The following ARIH1 variants were observed in gnomAD, a reference collection of about 807,000 sequenced individuals.
The protein encoded by ARIH1 is ariadne RBR E3 ubiquitin protein ligase 1.
ARIH1 carries 8 observed loss-of-function variants against 85.0 expected under a neutral mutation model. That is an observed-to-expected ratio of 0.09 (90% confidence interval 0.06 to 0.17). The LOEUF (loss-of-function observed/expected upper bound fraction) is 0.17. ARIH1 is among the 10% of genes least tolerant of loss of function. The probability of loss-of-function intolerance (pLI) is 1.00; values close to 1 mark genes in which losing one functional copy is unlikely to be tolerated. For missense variants in ARIH1, 311 were observed against 718.1 expected, an observed-to-expected ratio of 0.43 and a Z score of 6.48; for synonymous variants, 238 against 253.6, an observed-to-expected ratio of 0.94 and a Z score of 0.59.
At chr15:72,475,265 C>A in intron 1 of ARIH1, 1 of 741,364 alleles carries the variant, frequency 1.3e-6, no homozygotes, top group Non-Finnish European at 1.9e-6. Flanking sequence ...CCTTCGGTCG[C>A]CTAAGCCTTC....
At chr15:72,514,647 C>T (rs973597499) in intron 1 of ARIH1, among the ~76,000 whole-genome samples, 1 of 151,588 alleles carries the variant, frequency 6.6e-6, no homozygotes, top group Non-Finnish European at 1.5e-5. Context: ...GAGGCTGCAG[C>T]AAGCTGAGAT....
Position 72,602,477 on chromosome 15 carries a change from G to A in ARIH1, c.*19185G>A, listed in dbSNP as rs1053022965. ...TTTGCTTACTTATTATCTAATGTCTGACTAATTTGCTACACTCTAAATTCC... is the reference window on the plus strand; with the variant it reads ...TTTGCTTACTTATTATCTAATGTCTAACTAATTTGCTACACTCTAAATTCC... On this transcript the variant is annotated 3_prime_UTR_variant, in exon 14 of 14. Coordinates refer to ENST00000379887, the MANE Select transcript of ARIH1 (RefSeq NM_005744.5). 1.3e-5 allele frequency: 2 copies of A among 152,168 alleles called. No homozygotes were observed. Among genetic ancestry groups the A allele is most frequent in the African/African-American group, 4.8e-5 (2 of 41,420 alleles). 9.4% of individuals were successfully genotyped at this position (152,168 alleles called of 1,614,324 possible).
chr15:72,479,122 CA>C (rs1313181707), intron 1 of ARIH1, among the ~76,000 whole-genome samples: 4 of 152,044 alleles, frequency 2.6e-5, no homozygotes, highest in African/African-American at 9.7e-5. Context: ...CCTGGAAATC[CA>C]AAACTTTTTG....
rs2064316476 is a variant in ARIH1, at chr15:72,586,306, G to A, written c.*3014G>A. On this transcript the variant is annotated 3_prime_UTR_variant, in exon 14 of 14. Coordinates refer to ENST00000379887, the MANE Select transcript of ARIH1 (RefSeq NM_005744.5). ...CTGAAATTTAGTAGAAGAGGGAAAAGGAGTTAATGTAACAAATTATTTTAG... is the reference window on the plus strand; with the variant it reads ...CTGAAATTTAGTAGAAGAGGGAAAAAGAGTTAATGTAACAAATTATTTTAG... 3 of 152,164 alleles carry A rather than the reference G, an allele frequency of 2.0e-5. No individual in the cohort carries two copies. The highest frequency in any genetic ancestry group is 7.2e-5 in the African/African-American group (3 of 41,428). The allele number at this position is 152,164 out of a possible 1,614,324, so 9.4% of individuals were successfully genotyped here.
intron 2 of ARIH1, among the ~76,000 whole-genome samples, chr15:72,536,976 G>A (rs976008409): frequency 6.6e-6 from 1 of 151,834 alleles, no homozygotes; most frequent in Non-Finnish European, 1.5e-5. Flanking sequence ...AAATATATGA[G>A]CAGTATGTAT....
rs753700674 is a variant in ARIH1, at chr15:72,474,870, C to A, written c.231C>A (p.Gly77=). ...GGGGGSALGP[G]GGGGGGGGGG... is the part of the protein sequence containing the mutation. The stretch of plus-strand genomic sequence containing the variant: ...GCGGCGGCAGCGCTCTGGGGCCCGG[C>A]GGTGGCGGCGGCGGCGGCGGCGGCG... The change falls in exon 1 of 14, where the codon GGC becomes GGA. Residue 77 remains glycine, a synonymous_variant. Transcript: ENST00000379887. The A allele has an allele frequency of 2.1e-6, 3 of 1,413,420 alleles. No homozygotes were observed. In the East Asian group the frequency reaches 9.1e-5, roughly 43 times the overall value. 87.6% of individuals were successfully genotyped at this position (1,413,420 alleles called of 1,614,324 possible).
At chr15:72,476,311 T>C (rs2063794848) in intron 1 of ARIH1, among the ~76,000 whole-genome samples, 1 of 152,220 alleles carries the variant, frequency 6.6e-6, no homozygotes, top group Admixed American at 6.5e-5. Flanking sequence ...AGTGGAAGTC[T>C]TCATTTTTAA....
At chr15:72,561,429 T>C in intron 5 of ARIH1, 54 bp from the exon 6 acceptor site, 6 of 1,303,412 alleles carry the variant, frequency 4.6e-6, no homozygotes, top group Non-Finnish European at 6.6e-6. Flanking sequence ...TTTATAAATG[T>C]GGAAAATACT....
chr15:72,516,137 T>C (rs1187956726), intron 1 of ARIH1, among the ~76,000 whole-genome samples: 1 of 152,186 alleles, frequency 6.6e-6, no homozygotes. Context: ...CAACATCAAG[T>C]TATACTCCCT....
chr15:72,592,092 C>T lies in ARIH1; in HGVS notation c.*8800C>T, dbSNP rs1407441365. 1 of 152,168 alleles carries T rather than the reference C, an allele frequency of 6.6e-6. No individual in the cohort carries two copies. The highest frequency in any genetic ancestry group is 1.5e-5 in the Non-Finnish European group (1 of 68,034). 9.4% of individuals were successfully genotyped at this position (152,168 alleles called of 1,614,324 possible). Reference sequence around the variant, plus strand: ...GCCTTTGAATAATTAATTTTTACTCCATTTTTACTCGCTTGCAATAAAGTA... The same window carrying T: ...GCCTTTGAATAATTAATTTTTACTCTATTTTTACTCGCTTGCAATAAAGTA... On this transcript the variant is annotated 3_prime_UTR_variant, in exon 14 of 14. Coordinates refer to ENST00000379887, the MANE Select transcript of ARIH1 (RefSeq NM_005744.5).
At chr15:72,557,997 A>G (rs1426277954) in intron 5 of ARIH1, among the ~76,000 whole-genome samples, 1 of 152,180 alleles carries the variant, frequency 6.6e-6, no homozygotes, top group Non-Finnish European at 1.5e-5. Flanking sequence ...GAAGATTGAT[A>G]GTTTGACTTC....
rs545887711 is a variant in ARIH1 at position 72,499,318 on chromosome 15, TTG to T, written c.376-18747_376-18746del. On this transcript the variant is annotated intron_variant, in intron 1 of 13. Coordinates refer to ENST00000379887, the MANE Select transcript of ARIH1 (RefSeq NM_005744.5). ...TGTAGCTCTTTCTCCAGTTTGTTAT[TTG>T]TAAGAAAAAAAAAAAGCAATACATG... 1.7e-3 allele frequency among the ~76,000 whole-genome samples: 260 copies of T among 151,934 alleles called. 1 individual carries two copies. The highest frequency in any genetic ancestry group is 6.1e-3 in the African/African-American group (252 of 41,286).
chr15:72,538,058 T>G (rs752798705), intron 2 of ARIH1, among the ~76,000 whole-genome samples: 11 of 152,180 alleles, frequency 7.2e-5, no homozygotes, highest in Non-Finnish European at 1.3e-4. Flanking sequence ...GATTGAGCTC[T>G]GATAGTTTAA....
intron 11 of ARIH1, among the ~76,000 whole-genome samples, chr15:72,580,358 T>C (rs1427997829): frequency 6.6e-6 from 1 of 152,208 alleles, no homozygotes; most frequent in African/African-American, 2.4e-5. Flanking sequence ...GGATTCCATG[T>C]CTTGGCTATT....
At position 72,582,059 on chromosome 15, in the gene ARIH1, T is replaced by C. The variant is rs755850436; in HGVS notation, c.1477-16T>C. 1.9e-6 allele frequency: 3 copies of C among 1,571,702 alleles called. No homozygotes were observed. The South Asian group carries it at 3.5e-5, about 18-fold the overall frequency. On this transcript the variant is annotated splice_polypyrimidine_tract_variant and intron_variant, in intron 12 of 13. Transcript: ENST00000379887. The surrounding 1 kb of genome is among the most constrained non-coding windows in gnomAD (Gnocchi z 4.6). ...CTTTATTTTGAAGCCAAAATTTACTTTCATTCTTCTTACAGAATAACCAAG... is the reference window on the plus strand; with the variant it reads ...CTTTATTTTGAAGCCAAAATTTACTCTCATTCTTCTTACAGAATAACCAAG...
Position 72,587,205 on chromosome 15 carries a change from C to T in ARIH1, c.*3913C>T. ...AAATAACTCCCTCAATTTTTCATTT[C>T]CTTCTACCTGAAACTTAACATCATG... On this transcript the variant is annotated 3_prime_UTR_variant, in exon 14 of 14. Transcript: ENST00000379887. The T allele has an allele frequency of 3.9e-6, 2 of 519,046 alleles. No individual in the cohort carries two copies. Among genetic ancestry groups the T allele is most frequent in the South Asian group, 2.9e-5 (2 of 69,624 alleles). 32.2% of individuals were successfully genotyped at this position (519,046 alleles called of 1,614,324 possible). A position where few individuals can be genotyped will look rare whatever the true frequency, so the allele number is the denominator to read the frequency against.
chr15:72,547,091 C>T (rs1241186151), intron 3 of ARIH1, among the ~76,000 whole-genome samples: 5 of 148,320 alleles, frequency 3.4e-5, no homozygotes, highest in African/African-American at 1.0e-4. Flanking sequence ...TCACGCCTGG[C>T]TGATTTTTTG....
chr15:72,525,978 ATGGTAATCCTGTAGGTATTTAGTAT>A (rs928931034), intron 2 of ARIH1, among the ~76,000 whole-genome samples: 4 of 152,238 alleles, frequency 2.6e-5, no homozygotes, highest in South Asian at 4.1e-4. Flanking sequence ...GGTTACCCAT[ATGGTAATCCTGTAGGTATTTAGTAT>A]CCTAGGAATT....
chr15:72,551,909 C>A (rs964004693), intron 3 of ARIH1, among the ~76,000 whole-genome samples: 2 of 152,028 alleles, frequency 1.3e-5, no homozygotes, highest in Non-Finnish European at 2.9e-5. Context: ...AAATTCAAAT[C>A]AAAACTAAAG....
Sources: allele counts gnomAD v4.1 joint callset (sites outside exome capture counted in the v4.1 genomes callset), GRCh38; gene constraint gnomAD v4.1.1; non-coding constraint Gnocchi (gnomAD v3.1); transcripts MANE v1.5; gene names NCBI Gene and HGNC (gene_info 2026-07-23, HGNC 2026-07-21).